Variants in KCNIP4 observed in about 807,000 individuals in gnomAD.
KCNIP4 encodes potassium voltage-gated channel interacting protein 4, also known as Kv channel-interacting protein 4.
In KCNIP4, 12 loss-of-function variants were observed where a neutral mutation model predicts 34.0. The observed-to-expected ratio is 0.35, with a 90% CI of 0.23 to 0.57. The LOEUF (loss-of-function observed/expected upper bound fraction) is 0.57. Among genes scored for constraint, KCNIP4 ranks in the 20% least tolerant of loss-of-function variants. KCNIP4 has a pLI of 0.83. For synonymous variants in KCNIP4, 124 were observed against 102.2 expected, an observed-to-expected ratio of 1.21 and a Z score of -1.29; for missense variants, 238 against 311.7, an observed-to-expected ratio of 0.76 and a Z score of 1.78.
At chr4:21,691,691 CTTTT>C (rs36004947) in intron 1 of KCNIP4, among the ~76,000 whole-genome samples, 1 of 103,144 alleles carries the variant, frequency 9.7e-6, no homozygotes, top group Non-Finnish European at 1.9e-5. Context: ...AAACGCAGCT[CTTTT>C]TTTTTTTTTT....
intron 1 of KCNIP4, among the ~76,000 whole-genome samples, chr4:21,404,596 A>G (rs1313555942): frequency 6.6e-6 from 1 of 152,208 alleles, no homozygotes; most frequent in Non-Finnish European, 1.5e-5. Flanking sequence ...ACACGTATAC[A>G]TAGCATATTA....
chr4:21,224,586 T>TG (rs996973837), intron 1 of KCNIP4, among the ~76,000 whole-genome samples: 1 of 132,486 alleles, frequency 7.5e-6, no homozygotes, highest in Non-Finnish European at 1.6e-5. Flanking sequence ...CTGTTTTTTT[T>TG]TTTTTTTTTT....
chr4:21,410,171 C>G (rs1724359883), intron 1 of KCNIP4, among the ~76,000 whole-genome samples: 1 of 151,534 alleles, frequency 6.6e-6, no homozygotes, highest in Admixed American at 6.6e-5. Context: ...GCTTTGAATT[C>G]AAAAGTGTTC....
intron 1 of KCNIP4, among the ~76,000 whole-genome samples, chr4:21,687,784 G>A (rs1410584019): frequency 1.3e-5 from 2 of 152,158 alleles, no homozygotes; most frequent in Non-Finnish European, 2.9e-5. Flanking sequence ...ATATGTATGG[G>A]AGGGGTTCTT....
chr4:20,952,570 A>G (rs988044086), intron 1 of KCNIP4, among the ~76,000 whole-genome samples: 3 of 152,222 alleles, frequency 2.0e-5, no homozygotes, highest in Non-Finnish European at 4.4e-5. Context: ...GAGAAATATT[A>G]AGAGACTGAT....
intron 1 of KCNIP4, among the ~76,000 whole-genome samples, chr4:21,668,739 T>G (rs1444476688): frequency 6.6e-6 from 1 of 152,164 alleles, no homozygotes; most frequent in Non-Finnish European, 1.5e-5. Context: ...TATATTTCAG[T>G]TTCTCTATGT....
intron 1 of KCNIP4, among the ~76,000 whole-genome samples, chr4:21,167,028 T>G (rs146473738): frequency 3.3e-5 from 5 of 151,736 alleles, no homozygotes; most frequent in African/African-American, 1.2e-4. Flanking sequence ...GTATACTATT[T>G]AGCATTAAAG....
At chr4:21,130,572 T>C (rs776262064) in intron 1 of KCNIP4, among the ~76,000 whole-genome samples, 1 of 152,184 alleles carries the variant, frequency 6.6e-6, no homozygotes, top group Non-Finnish European at 1.5e-5. Flanking sequence ...AAATTGTTTG[T>C]TTGTATTCAT....
chr4:21,656,968 T>C (rs1296580761), intron 1 of KCNIP4: 1 of 152,160 alleles, frequency 6.6e-6, no homozygotes, highest in African/African-American at 2.4e-5. Context: ...TCCACCACTG[T>C]CCCCATCCTG....
intron 1 of KCNIP4, among the ~76,000 whole-genome samples, chr4:21,523,731 C>T (rs1283822236): frequency 6.6e-6 from 1 of 151,902 alleles, no homozygotes; most frequent in Admixed American, 6.6e-5. Context: ...GCCACCACAC[C>T]TGGGTAATTT....
At chr4:20,796,794 T>TG (rs1016421851) in intron 3 of KCNIP4, among the ~76,000 whole-genome samples, 30 of 152,212 alleles carry the variant, frequency 2.0e-4, no homozygotes, top group African/African-American at 7.2e-4. Context: ...TAGTAATAGA[T>TG]GGAAAAAAAC....
chr4:21,234,429 C>T lies in KCNIP4; in HGVS notation c.62-351720G>A, dbSNP rs1560199423. On this transcript the variant is annotated intron_variant, in intron 1 of 8. Transcript: ENST00000382152. ...TATATAACATATACTATATATATTA[C>T]ATATAACGTATATAATATATATTAC... Among the ~76,000 whole-genome samples, 48 of 96,658 alleles carry T rather than the reference C, an allele frequency of 5.0e-4. 13 individuals are homozygous for T. The highest frequency in any genetic ancestry group is 5.6e-3 in the Middle Eastern group (1 of 178). The allele number at this position is 96,658 out of a possible 152,430, so 63.4% of individuals were successfully genotyped here.
intron 1 of KCNIP4, among the ~76,000 whole-genome samples, chr4:21,364,156 G>A (rs35727536): frequency 0.12 from 18,564 of 152,150 alleles, 1,468 homozygotes; most frequent in East Asian, 0.34. Flanking sequence ...TGTTTCTCAA[G>A]TGGAATTTCT....
chr4:21,381,348 T>C (rs1165499639), intron 1 of KCNIP4, among the ~76,000 whole-genome samples: 2 of 152,298 alleles, frequency 1.3e-5, no homozygotes, highest in East Asian at 3.9e-4. Context: ...AGGCAGATAG[T>C]AGATTTGTAA....
chr4:20,988,738 T>C (rs73245205), intron 1 of KCNIP4, among the ~76,000 whole-genome samples: 1,761 of 152,338 alleles, frequency 0.012, 18 homozygotes, highest in Non-Finnish European at 0.016. Context: ...CCAAAATATG[T>C]CCTTTGGCAT....
chr4:20,865,046 A>G (rs1722729629), intron 2 of KCNIP4, among the ~76,000 whole-genome samples: 1 of 152,116 alleles, frequency 6.6e-6, no homozygotes, highest in Non-Finnish European at 1.5e-5. Flanking sequence ...CTGGCTCTTC[A>G]TTATCATATC....
At chr4:21,186,176 TATA>T (rs2109335449) in intron 1 of KCNIP4, among the ~76,000 whole-genome samples, 1 of 152,268 alleles carries the variant, frequency 6.6e-6, no homozygotes, top group Admixed American at 6.5e-5. Context: ...TTCCTCTGAG[TATA>T]ATACTATTTT....
intron 1 of KCNIP4, among the ~76,000 whole-genome samples, chr4:21,920,494 A>G (rs1258911781): frequency 6.6e-6 from 1 of 152,076 alleles, no homozygotes; most frequent in Non-Finnish European, 1.5e-5. Context: ...GTGAGGAATA[A>G]AAGGCTTCAT....
At chr4:20,846,379 A>G (rs1199837731) in intron 3 of KCNIP4, among the ~76,000 whole-genome samples, 1 of 152,222 alleles carries the variant, frequency 6.6e-6, no homozygotes, top group African/African-American at 2.4e-5. Context: ...GTGCCCCACT[A>G]TATCATTTAC....
Sources: gnomAD v4.1 joint callset for allele counts (sites outside exome capture counted in the v4.1 genomes callset) on GRCh38, gnomAD v4.1.1 for gene constraint, MANE v1.5 for transcripts, NCBI Gene and HGNC (gene_info 2026-07-23, HGNC 2026-07-21) for gene names.